MILR1: variants seen among roughly 807,000 people sequenced by gnomAD.
MILR1 encodes allergin-1.
In MILR1, 31 loss-of-function variants were observed where a neutral mutation model predicts 18.5. The observed-to-expected ratio is 1.68, with a 90% CI of 1.26 to 2.26. MILR1 has a LOEUF of 2.26. Among genes scored for constraint, MILR1 ranks in the 30% most tolerant of loss-of-function variants. The pLI, the probability that MILR1 is intolerant of heterozygous loss-of-function variation, is 0.00. For missense variants in MILR1, 257 were observed against 157.4 expected (o/e 1.63, Z -3.38); for synonymous variants, 85 against 56.2 (o/e 1.51, Z -2.30).
At chr17:64,474,756 C>G in the MILR1 span, among the ~76,000 whole-genome samples, 1 of 152,040 alleles carries the variant, frequency 6.6e-6, no homozygotes, top group Non-Finnish European at 1.5e-5. Flanking sequence ...ACAAAGACTG[C>G]CTTCTATCAA....
chr17:64,472,480 A>AAAAAG (rs1555664749), downstream of MILR1, among the ~76,000 whole-genome samples: 10 of 148,776 alleles, frequency 6.7e-5, 1 homozygote, highest in African/African-American at 2.5e-4. Context: ...AAAAAAAAAA[A>AAAAAG]AAAAAAAAAA....
intron 6 of MILR1, among the ~76,000 whole-genome samples, chr17:64,466,241 C>T (rs1266339246): frequency 6.6e-6 from 1 of 152,138 alleles, no homozygotes; most frequent in African/African-American, 2.4e-5. Flanking sequence ...CCACCTGGTC[C>T]CTCCCATGAG....
the MILR1 span, chr17:64,482,806 T>C: frequency 1.4e-6 from 1 of 691,518 alleles, no homozygotes; most frequent in Non-Finnish European, 2.7e-6. Flanking sequence ...ATTTTTGGAT[T>C]AGAGATGCAA....
Position 64,457,452 on chromosome 17 carries a change from C to A in MILR1, c.420C>A (p.Asp140Glu), listed in dbSNP as rs2037325824. ...TTATGGTCATTCAAACAGAAACAGA[C>A]CGACATATAACATTACATTGCCTCT... The part of the protein sequence containing the change: ...LNIMVIQTET[D>E]RHITLHCLSV... Residue 140 changes from aspartate (D) to glutamate (E), a missense_variant, in exon 4 of 10, where the codon GAC (aspartate) becomes GAA (glutamate). Coordinates refer to ENST00000619286, the MANE Select transcript of MILR1 (RefSeq NM_001085423.2). 4.2e-6 allele frequency: 2 copies of A among 475,290 alleles called. No homozygotes were observed. The highest frequency in any genetic ancestry group is 4.0e-5 in the African/African-American group (2 of 50,520). 29.4% of individuals were successfully genotyped at this position (475,290 alleles called of 1,614,324 possible).
chr17:64,463,752 T>TTA (rs2037482699), intron 5 of MILR1, among the ~76,000 whole-genome samples: 1 of 151,720 alleles, frequency 6.6e-6, no homozygotes, highest in South Asian at 2.1e-4. Context: ...CATAGCTCAC[T>TTA]GTAACCTCCC....
chr17:64,485,953 C>T, the MILR1 span: 1 of 1,375,802 alleles, frequency 7.3e-7, no homozygotes, highest in Non-Finnish European at 1.0e-6. Flanking sequence ...CACTCTGTCA[C>T]CTGGCCAGGC....
At chr17:64,451,234 T>C (rs1374048039) in intron 2 of MILR1, among the ~76,000 whole-genome samples, 1 of 151,918 alleles carries the variant, frequency 6.6e-6, no homozygotes, top group African/African-American at 2.4e-5. Flanking sequence ...GCCTCGACCT[T>C]CCAAGCTCAA....
chr17:64,490,522 A>T, the MILR1 span: 2 of 439,288 alleles, frequency 4.6e-6, no homozygotes, highest in Non-Finnish European at 8.4e-6. Context: ...GTGTAAAGGC[A>T]TATGACAACT....
At chr17:64,461,014 G>T (rs2037419146) in intron 5 of MILR1, 82 bp downstream of exon 5, 1 of 457,002 alleles carries the variant, frequency 2.2e-6, no homozygotes, top group Non-Finnish European at 4.0e-6. Flanking sequence ...AGGAGAAAGA[G>T]AAAAGGGGAT....
the MILR1 span, among the ~76,000 whole-genome samples, chr17:64,493,687 C>T: frequency 5.3e-5 from 8 of 152,014 alleles, no homozygotes; most frequent in Non-Finnish European, 1.0e-4. Flanking sequence ...GGGGTTTCAC[C>T]GTGTTAGCCA....
intron 4 of MILR1, among the ~76,000 whole-genome samples, chr17:64,458,416 T>G (rs2037351550): frequency 6.6e-6 from 1 of 151,940 alleles, no homozygotes; most frequent in African/African-American, 2.4e-5. Flanking sequence ...TTTCACCATG[T>G]TGGCCAGACT....
intron 6 of MILR1, among the ~76,000 whole-genome samples, chr17:64,465,974 A>T (rs1240247291): frequency 6.6e-6 from 1 of 152,196 alleles, no homozygotes; most frequent in Non-Finnish European, 1.5e-5. Flanking sequence ...CTATAAGGAC[A>T]TACCTGAGAT....
chr17:64,463,784 G>T (rs1371353602), intron 5 of MILR1, among the ~76,000 whole-genome samples: 5 of 149,940 alleles, frequency 3.3e-5, no homozygotes, highest in African/African-American at 1.2e-4. Flanking sequence ...CCTAGTAGCT[G>T]GGAATACAGG....
At chr17:64,463,594 A>G (rs953309433) in intron 5 of MILR1, among the ~76,000 whole-genome samples, 1 of 152,178 alleles carries the variant, frequency 6.6e-6, no homozygotes, top group East Asian at 1.9e-4. Context: ...CAACTCAGAG[A>G]AGTCAGGGAC....
chr17:64,449,369 ACTT>A lies in MILR1; in HGVS notation c.97+18_97+20del. ...TGAAAACAAATGGTAAGTTTCATTT[ACTT>A]CTTTCTTATTGAAACCATTTTCACT... On this transcript the variant is annotated intron_variant, in intron 2 of 9. Coordinates refer to ENST00000619286, the MANE Select transcript of MILR1 (RefSeq NM_001085423.2). 4.3e-6 allele frequency: 2 copies of A among 463,554 alleles called. No individual in the cohort carries two copies. The highest frequency in any genetic ancestry group is 1.5e-4 in the South Asian group (2 of 13,158). 28.7% of individuals were successfully genotyped at this position (463,554 alleles called of 1,614,324 possible).
intron 4 of MILR1, among the ~76,000 whole-genome samples, chr17:64,458,913 G>A (rs1382555966): frequency 1.3e-5 from 2 of 152,162 alleles, no homozygotes; most frequent in African/African-American, 2.4e-5. Flanking sequence ...TGTTTATGGG[G>A]GGTGTGGATG....
chr17:64,496,104 T>C, the MILR1 span, among the ~76,000 whole-genome samples: 15 of 152,256 alleles, frequency 9.9e-5, no homozygotes, highest in African/African-American at 3.6e-4. Flanking sequence ...AATGTCTGTG[T>C]AGTTCCTTAT....
At chr17:64,465,620 G>A in intron 6 of MILR1, 79 bp downstream of exon 6, 1 of 1,459,672 alleles carries the variant, frequency 6.9e-7, no homozygotes, top group Non-Finnish European at 9.4e-7. Flanking sequence ...CAGACATACG[G>A]GAGTGGGGGG....
rs376684429 is a variant in MILR1, at chr17:64,466,444, G to T, written c.856G>T (p.Glu286Ter). 8.7e-6 allele frequency: 14 copies of T among 1,613,288 alleles called. No homozygotes were observed. In the African/African-American group the frequency reaches 1.7e-4, roughly 20 times the overall value. The change falls in exon 7 of 10, where the codon GAG (glutamate) becomes TAG (stop). Residue 286 changes from glutamate (E) to a stop codon, truncating the protein, a stop_gained and splice_region_variant. Coordinates refer to ENST00000619286, the MANE Select transcript of MILR1 (RefSeq NM_001085423.2). LOFTEE classifies it high-confidence loss of function. ...TTTATGTCATTCTCATTTTACAGAGGAGGAATCTGTGCCAGAAGTGGGATC... is the reference window on the plus strand; with the variant it reads ...TTTATGTCATTCTCATTTTACAGAGTAGGAATCTGTGCCAGAAGTGGGATC... ...YANILEKQAK[E>*]ESVPEVGSRP...
Sources: gnomAD v4.1 joint callset for allele counts (sites outside exome capture counted in the v4.1 genomes callset) on GRCh38, gnomAD v4.1.1 for gene constraint, MANE v1.5 for transcripts, NCBI Gene and HGNC (gene_info 2026-07-23, HGNC 2026-07-21) for gene names.